GANC: variants seen among roughly 807,000 people sequenced by gnomAD.
GANC encodes the protein glucosidase alpha, neutral C.
GANC carries 117 observed loss-of-function variants against 124.2 expected under a neutral mutation model. That is an observed-to-expected ratio of 0.94 (90% CI 0.81 to 1.10). The LOEUF is 1.10. Among genes scored for constraint, GANC ranks in the 50% least tolerant of loss-of-function variants. The probability of loss-of-function intolerance (pLI) is 0.00; values close to 1 mark genes in which losing one functional copy is unlikely to be tolerated. For synonymous variants in GANC, 377 were observed against 376.8 expected (o/e 1.00, Z -0.01); for missense variants, 1,140 against 1,095.0 (o/e 1.04, Z -0.58).
At chr15:42,308,493 C>T (rs368230022) in intron 8 of GANC, among the ~76,000 whole-genome samples, 175 bp downstream of exon 8, 1 of 151,752 alleles carries the variant, frequency 6.6e-6, no homozygotes, top group Non-Finnish European at 1.5e-5. Flanking sequence ...AGTGGTTTTC[C>T]TTTTTTTTGA....
intron 11 of GANC, among the ~76,000 whole-genome samples, chr15:42,322,957 T>G (rs2141057806): frequency 6.6e-6 from 1 of 152,318 alleles, no homozygotes; most frequent in East Asian, 1.9e-4. Flanking sequence ...AACCCATTCC[T>G]TTGACCTCCC....
At chr15:42,297,050 A>G (rs986097946) in intron 5 of GANC, among the ~76,000 whole-genome samples, 6 of 152,132 alleles carry the variant, frequency 3.9e-5, no homozygotes, top group South Asian at 2.1e-4. Flanking sequence ...AAATACAACT[A>G]TGGGTGGAAG....
At chr15:42,286,325 T>A (rs2051787921) in intron 3 of GANC, among the ~76,000 whole-genome samples, 4 of 152,166 alleles carry the variant, frequency 2.6e-5, no homozygotes, top group Non-Finnish European at 4.4e-5. Context: ...TTTTATCTCC[T>A]CCAATTTCAG....
rs528133952 is a variant in GANC at position 42,280,991 on chromosome 15, A to G, written c.201+2401A>G. On this transcript the variant is annotated intron_variant, in intron 3 of 23. Transcript: ENST00000318010. ...AAGAAACCACAGTCCAGGAGGAGAC[A>G]CAGGATCTCAGCACAAGACAGCACC... 3 of 702,564 alleles carry G rather than the reference A, an allele frequency of 4.3e-6. No individual in the cohort carries two copies. In the East Asian group the frequency reaches 8.0e-5, roughly 19 times the overall value. The allele number at this position is 702,564 out of a possible 1,614,324, so 43.5% of individuals were successfully genotyped here. A position where few individuals can be genotyped will look rare whatever the true frequency, so the allele number is the denominator to read the frequency against.
At chr15:42,308,576 A>C (rs7163345) in intron 8 of GANC, among the ~76,000 whole-genome samples, 138,424 of 152,156 alleles carry the variant, frequency 0.91, 64,322 homozygotes, top group Non-Finnish European at 1. Flanking sequence ...CTCCACCTCC[A>C]GAGTTCAAGA....
At chr15:42,298,881 G>C (rs1416163537) in intron 6 of GANC, among the ~76,000 whole-genome samples, 3 of 152,150 alleles carry the variant, frequency 2.0e-5, no homozygotes, top group East Asian at 1.9e-4. Flanking sequence ...GGATGTAAAG[G>C]CATGCTTGTG....
intron 15 of GANC, among the ~76,000 whole-genome samples, chr15:42,333,744 G>A (rs530718189): frequency 5.3e-5 from 8 of 152,126 alleles, no homozygotes; most frequent in Admixed American, 6.5e-5. Flanking sequence ...CAAACTATTC[G>A]GCATAACACC....
intron 10 of GANC, chr15:42,314,853 A>C (rs1192853323): frequency 1.3e-5 from 2 of 152,234 alleles, no homozygotes; most frequent in South Asian, 4.1e-4. Context: ...GGAAAATATT[A>C]TGTTTAATTT....
chr15:42,334,654 A>G (rs1188675802), intron 15 of GANC, among the ~76,000 whole-genome samples: 1 of 152,222 alleles, frequency 6.6e-6, no homozygotes, highest in Non-Finnish European at 1.5e-5. Flanking sequence ...AAATATACAT[A>G]TACAGATATA....
chr15:42,303,670 G>GAAAAAAAAAAAAAAA (rs150074091), intron 6 of GANC, among the ~76,000 whole-genome samples: 1 of 128,576 alleles, frequency 7.8e-6, no homozygotes, highest in African/African-American at 2.9e-5. Flanking sequence ...TATTTACCAA[G>GAAAAAAAAAAAAAAA]AAAAAAAAAA....
Position 42,273,454 on chromosome 15 carries a change from G to A in GANC, c.-1028G>A, listed in dbSNP as rs529365545. Reference sequence around the variant, plus strand: ...ATTTCACCCTCTTCCGGTTCGTCCCGCCTTCTTCCGGCTCTGCTCTAAGGG... The same window carrying A: ...ATTTCACCCTCTTCCGGTTCGTCCCACCTTCTTCCGGCTCTGCTCTAAGGG... On this transcript the variant is annotated 5_prime_UTR_variant, in exon 1 of 24. Coordinates refer to ENST00000318010, the MANE Select transcript of GANC (RefSeq NM_198141.3). The A allele has an allele frequency of 2.2e-4, 354 of 1,605,270 alleles. No homozygotes were observed. Among genetic ancestry groups the A allele is most frequent in the Non-Finnish European group, 2.9e-4 (337 of 1,176,566 alleles).
intron 13 of GANC, among the ~76,000 whole-genome samples, chr15:42,327,794 T>G (rs1015088075): frequency 1.3e-5 from 2 of 152,228 alleles, no homozygotes; most frequent in African/African-American, 2.4e-5. Flanking sequence ...TGAAAATATC[T>G]TACAACGTAT....
rs901383097 is a variant in GANC, at chr15:42,352,769, A to T, written c.*630A>T. 32 of 972,950 alleles carry T rather than the reference A, an allele frequency of 3.3e-5. No homozygotes were observed. Among genetic ancestry groups the T allele is most frequent in the Non-Finnish European group, 3.1e-5 (25 of 818,304 alleles). 60.3% of individuals were successfully genotyped at this position (972,950 alleles called of 1,614,324 possible). ...ATTAATCTTAAAATCCATGTCTTTTACATTGTTTTTTTAATTAAGTGCTGT... is the reference window on the plus strand; with the variant it reads ...ATTAATCTTAAAATCCATGTCTTTTTCATTGTTTTTTTAATTAAGTGCTGT... On this transcript the variant is annotated 3_prime_UTR_variant, in exon 24 of 24. Transcript: ENST00000318010.
chr15:42,312,150 T>C (rs1427956358), intron 10 of GANC, among the ~76,000 whole-genome samples: 1 of 152,220 alleles, frequency 6.6e-6, no homozygotes, highest in Admixed American at 6.5e-5. Flanking sequence ...CAATGGCTTC[T>C]TTTGCAGAAA....
At chr15:42,307,374 C>G (rs1310413958) in intron 7 of GANC, among the ~76,000 whole-genome samples, 1 of 144,144 alleles carries the variant, frequency 6.9e-6, no homozygotes, top group African/African-American at 2.6e-5. Context: ...CACTCTGTCA[C>G]CCAGGCTGGA....
intron 15 of GANC, among the ~76,000 whole-genome samples, chr15:42,337,246 A>C (rs2052289872): frequency 6.6e-6 from 1 of 152,270 alleles, no homozygotes. Context: ...AATGCCTATC[A>C]GTGGTAAACT....
Position 42,352,101 on chromosome 15 carries a change from C to T in GANC, c.2707C>T (p.Leu903Phe). 1.2e-6 allele frequency: 2 copies of T among 1,614,198 alleles called. No homozygotes were observed. Among genetic ancestry groups the T allele is most frequent in the Non-Finnish European group, 8.5e-7 (1 of 1,180,024 alleles). Residue 903 changes from leucine to phenylalanine, a missense_variant, in exon 24 of 24, where the codon CTC becomes TTC. Transcript: ENST00000318010. ...TSILSLEKLS[L>F]NIATDWEVRI... Reference sequence around the variant, plus strand: ...CATCCTGAGCCTGGAGAAGCTCTCACTCAACATTGCCACTGACTGGGAGGT... The same window carrying T: ...CATCCTGAGCCTGGAGAAGCTCTCATTCAACATTGCCACTGACTGGGAGGT...
chr15:42,334,854 G>A (rs1278365660), intron 15 of GANC, among the ~76,000 whole-genome samples: 2 of 151,926 alleles, frequency 1.3e-5, no homozygotes, highest in Non-Finnish European at 2.9e-5. Flanking sequence ...GAATTACAAA[G>A]GAGAAAATGT....
In GANC at chr15:42,353,409, C is replaced by T. The variant is rs1018038835; in HGVS notation, c.*1270C>T. 7 of 968,714 alleles carry T rather than the reference C, an allele frequency of 7.2e-6. No individual in the cohort carries two copies. Among genetic ancestry groups the T allele is most frequent in the African/African-American group, 3.5e-5 (2 of 56,792 alleles). 60.0% of individuals were successfully genotyped at this position (968,714 alleles called of 1,614,324 possible). A position where few individuals can be genotyped will look rare whatever the true frequency, so the allele number is the denominator to read the frequency against. On this transcript the variant is annotated 3_prime_UTR_variant, in exon 24 of 24. Coordinates refer to ENST00000318010, the MANE Select transcript of GANC (RefSeq NM_198141.3). The stretch of plus-strand genomic sequence containing the variant: ...CCTAACTGCGTGAACACCCCTACCC[C>T]CATACCCATTAGCAGTGATTTTGCC...
Sources: gnomAD v4.1 joint callset for allele counts (sites outside exome capture counted in the v4.1 genomes callset) on GRCh38, gnomAD v4.1.1 for gene constraint, MANE v1.5 for transcripts, NCBI Gene and HGNC (gene_info 2026-07-23, HGNC 2026-07-21) for gene names.